DUS2: variants seen among roughly 807,000 people sequenced by gnomAD.
DUS2 encodes tRNA-dihydrouridine(20) synthase [NAD(P)+]-like.
A neutral mutation model predicts 71.3 loss-of-function variants in DUS2; 52 were observed. The observed-to-expected ratio is 0.73, with a 90% CI of 0.58 to 0.92. The LOEUF (loss-of-function observed/expected upper bound fraction) is 0.92, where lower values mean the gene tolerates loss of function less well. Among genes scored for constraint, DUS2 ranks in the 40% least tolerant of loss-of-function variants. DUS2 has a pLI of 0.00. For synonymous variants in DUS2, 204 were observed against 227.8 expected (o/e 0.90, Z 0.94); for missense variants, 558 against 622.6 (o/e 0.90, Z 1.10).
At chr16:68,035,151 A>G (rs554869589) in intron 2 of DUS2, among the ~76,000 whole-genome samples, 21 of 152,242 alleles carry the variant, frequency 1.4e-4, no homozygotes, top group Non-Finnish European at 3.1e-4. Context: ...CCAGGGTCTG[A>G]GGGAGCCACC....
intron 2 of DUS2, among the ~76,000 whole-genome samples, chr16:68,027,581 C>T (rs2033371824): frequency 6.6e-6 from 1 of 152,218 alleles, no homozygotes; most frequent in Non-Finnish European, 1.5e-5. Context: ...TAAGCATCTA[C>T]CATATGCCAG....
chr16:68,045,822 T>A (rs1027415693), intron 3 of DUS2, among the ~76,000 whole-genome samples: 17 of 151,352 alleles, frequency 1.1e-4, no homozygotes, highest in African/African-American at 4.1e-4. Flanking sequence ...CTGCCTCCCA[T>A]GTTCAAGTGA....
At chr16:68,073,513 G>A (rs1042804318) in intron 12 of DUS2, among the ~76,000 whole-genome samples, 7 of 149,566 alleles carry the variant, frequency 4.7e-5, no homozygotes, top group South Asian at 2.1e-4. Flanking sequence ...GCAGTGGCAC[G>A]ATCTTGGCTC....
chr16:68,064,993 A>T (rs1162665754), intron 8 of DUS2, among the ~76,000 whole-genome samples: 2 of 152,170 alleles, frequency 1.3e-5, no homozygotes. Flanking sequence ...TCTTGGGATC[A>T]TCTTTCCTCC....
At chr16:68,071,942 C>G (rs1419037978) in intron 12 of DUS2, among the ~76,000 whole-genome samples, 1 of 152,194 alleles carries the variant, frequency 6.6e-6, no homozygotes, top group African/African-American at 2.4e-5. Context: ...ATGAAGAGTT[C>G]ACTTGCCTTA....
At chr16:68,056,902 ATATT>A (rs200973007) in intron 7 of DUS2, among the ~76,000 whole-genome samples, 2,759 of 143,876 alleles carry the variant, frequency 0.019, 33 homozygotes, top group Non-Finnish European at 0.03. Context: ...TATTACATAT[ATATT>A]TATTCTATAT....
chr16:68,044,099 G>T (rs1309744720), intron 3 of DUS2, among the ~76,000 whole-genome samples: 2 of 151,784 alleles, frequency 1.3e-5, no homozygotes, highest in Non-Finnish European at 2.9e-5. Context: ...TCTTCTTACT[G>T]GTGAATTGAG....
intron 3 of DUS2, among the ~76,000 whole-genome samples, chr16:68,042,328 C>T (rs1024603644): frequency 1.3e-5 from 2 of 152,142 alleles, no homozygotes; most frequent in African/African-American, 4.8e-5. Context: ...TGAACATGGG[C>T]GTGCAAATAA....
intron 8 of DUS2, among the ~76,000 whole-genome samples, chr16:68,063,880 AC>A (rs2033972904): frequency 6.6e-6 from 1 of 151,874 alleles, no homozygotes; most frequent in Non-Finnish European, 1.5e-5. Flanking sequence ...GCACCACAAC[AC>A]CCGGCTAATT....
chr16:68,062,351 G>C (rs1451104516), intron 8 of DUS2, among the ~76,000 whole-genome samples: 2 of 151,872 alleles, frequency 1.3e-5, no homozygotes, highest in Non-Finnish European at 2.9e-5. Context: ...CCTTGAAGTA[G>C]ATAGGATTGG....
At chr16:68,073,449 CTT>C (rs1213508148) in intron 12 of DUS2, among the ~76,000 whole-genome samples, 21 of 111,764 alleles carry the variant, frequency 1.9e-4, no homozygotes, top group Non-Finnish European at 2.3e-4. Context: ...TTTTCTTTTT[CTT>C]TTTTTTTTTT....
chr16:68,059,620 G>A (rs1462017731), intron 7 of DUS2, among the ~76,000 whole-genome samples: 3 of 152,188 alleles, frequency 2.0e-5, no homozygotes, highest in African/African-American at 7.2e-5. Context: ...GTGGTTTAAT[G>A]TTCTCTCTGA....
chr16:68,043,642 A>G (rs2033662459), intron 3 of DUS2, among the ~76,000 whole-genome samples: 2 of 152,304 alleles, frequency 1.3e-5, no homozygotes, highest in South Asian at 4.1e-4. Context: ...CAAATTAAAA[A>G]TTATGTTTTT....
At chr16:68,027,954 G>A (rs1309997312) in intron 2 of DUS2, among the ~76,000 whole-genome samples, 2 of 152,188 alleles carry the variant, frequency 1.3e-5, no homozygotes, top group African/African-American at 4.8e-5. Context: ...GCATGGGGGA[G>A]TTCTGAGGGC....
chr16:68,076,766 C>T, intron 15 of DUS2, 47 bp downstream of exon 15: 1 of 1,509,626 alleles, frequency 6.6e-7, no homozygotes, highest in Non-Finnish European at 9.2e-7. Flanking sequence ...ACAGCACTCC[C>T]ATGGCTTACA....
At chr16:68,075,173 C>T (rs2034139635) in intron 13 of DUS2, among the ~76,000 whole-genome samples, 182 bp from the exon 14 acceptor site, 1 of 152,216 alleles carries the variant, frequency 6.6e-6, no homozygotes, top group Non-Finnish European at 1.5e-5. Flanking sequence ...CATTCACTTT[C>T]CATCTTCCAG....
chr16:68,072,406 C>T (rs1285465727), intron 12 of DUS2, among the ~76,000 whole-genome samples: 5 of 152,190 alleles, frequency 3.3e-5, no homozygotes, highest in Non-Finnish European at 5.9e-5. Context: ...GCCAAGAAGA[C>T]GTGCTGAACA....
At chr16:68,035,884 TTATATATA>T (rs71145987) in intron 2 of DUS2, among the ~76,000 whole-genome samples, 5,149 of 112,568 alleles carry the variant, frequency 0.046, 152 homozygotes, top group Middle Eastern at 0.057. Context: ...CCCGCTAATT[TTATATATA>T]TATATATATA....
intron 4 of DUS2, among the ~76,000 whole-genome samples, chr16:68,053,358 C>A (rs2033807727): frequency 6.6e-6 from 1 of 152,214 alleles, no homozygotes. Flanking sequence ...GCAAAATGAA[C>A]AACCATCACC....
Sources: gnomAD v4.1 joint callset for allele counts (sites outside exome capture counted in the v4.1 genomes callset) on GRCh38, gnomAD v4.1.1 for gene constraint, MANE v1.5 for transcripts, NCBI Gene and HGNC (gene_info 2026-07-23, HGNC 2026-07-21) for gene names.